Variants in PTPRC observed in about 807,000 individuals in gnomAD.
The protein encoded by PTPRC is receptor-type tyrosine-protein phosphatase C.
In PTPRC, 44 loss-of-function variants were observed where a neutral mutation model predicts 155.9. The ratio of observed to expected loss-of-function variants is 0.28; its 90% CI spans 0.22 to 0.36. The LOEUF (loss-of-function observed/expected upper bound fraction) is 0.36. PTPRC is among the 10% of genes least tolerant of loss of function. The pLI is 1.00. For synonymous variants in PTPRC, 525 were observed against 533.1 expected (o/e 0.98, Z 0.21); for missense variants, 1,401 against 1,564.6 (o/e 0.90, Z 1.76).
rs1653100185 is a variant in PTPRC at position 198,708,211 on chromosome 1, T to C, written c.983T>C (p.Ile328Thr). ...ACTATTTGTTTAAAATGGAAAAATATTGAAACCTTTACTTGTGATACACAG... is the reference window on the plus strand; with the variant it reads ...ACTATTTGTTTAAAATGGAAAAATACTGAAACCTTTACTTGTGATACACAG... ...DTTICLKWKNIETFTCDTQNI... is the reference protein window; with the variant it reads ...DTTICLKWKNTETFTCDTQNI... Residue 328 changes from isoleucine to threonine, a missense_variant, in exon 10 of 33, where the codon ATT (isoleucine) becomes ACT (threonine). By Grantham distance (89) the Ile-to-Thr change is moderately conservative (BLOSUM62 -1). Transcript: ENST00000442510. 1 of 1,606,202 alleles carries C rather than the reference T, an allele frequency of 6.2e-7. No individual in the cohort carries two copies. Among genetic ancestry groups the C allele is most frequent in the African/African-American group, 1.3e-5 (1 of 74,872 alleles).
chr1:198,695,900 G>T (rs1339578905), intron 3 of PTPRC, among the ~76,000 whole-genome samples: 1 of 151,980 alleles, frequency 6.6e-6, no homozygotes, highest in Admixed American at 6.6e-5. Flanking sequence ...GGTGGCTCAC[G>T]CCTGTAATCC....
chr1:198,657,757 C>T (rs868051553), intron 2 of PTPRC: 6 of 152,148 alleles, frequency 3.9e-5, no homozygotes, highest in African/African-American at 1.2e-4. Context: ...TCTTCTATGA[C>T]GTTTTACAGC....
rs984089455 is a variant in PTPRC, at chr1:198,752,319, C to A, written c.3278C>A (p.Thr1093Lys). The A allele has an allele frequency of 1.2e-5, 20 of 1,612,394 alleles. No individual in the cohort carries two copies. The highest frequency in any genetic ancestry group is 1.7e-5 in the Non-Finnish European group (20 of 1,178,940). ...YGDIEVDLKD[T>K]DKSSTYTLRV... ...GATATTGAAGTTGACCTGAAAGACA[C>A]AGACAAATCTTCAACTTATACCCTT... is the stretch of plus-strand genomic sequence containing the variant. The change falls in exon 30 of 33, where the codon ACA becomes AAA. Residue 1093 changes from threonine (T) to lysine (K), a missense_variant. By Grantham distance (78) the Thr-to-Lys change is moderately conservative. Transcript: ENST00000442510.
At chr1:198,713,985 T>C (rs1653439870) in intron 12 of PTPRC, among the ~76,000 whole-genome samples, 1 of 152,178 alleles carries the variant, frequency 6.6e-6, no homozygotes, top group Admixed American at 6.5e-5. Flanking sequence ...CAAAGTTAAA[T>C]ATGCATGTAG....
At chr1:198,694,798 C>T (rs1011256102) in intron 3 of PTPRC, 1 of 944,680 alleles carries the variant, frequency 1.1e-6, no homozygotes, top group Non-Finnish European at 1.3e-6. Context: ...CTCCCACCCT[C>T]TCTCCCTCCC....
intron 20 of PTPRC, among the ~76,000 whole-genome samples, chr1:198,733,148 A>T (rs1412079828): frequency 1.3e-5 from 2 of 151,808 alleles, no homozygotes; most frequent in African/African-American, 2.4e-5. Context: ...ATGTTAATTA[A>T]TGTATTACAT....
intron 2 of PTPRC, among the ~76,000 whole-genome samples, chr1:198,668,229 A>G (rs191734104): frequency 9.2e-5 from 14 of 152,128 alleles, no homozygotes; most frequent in African/African-American, 3.1e-4. Flanking sequence ...TTTTTGTTTT[A>G]GAGACAGGGT....
In PTPRC at chr1:198,703,433, C is replaced by T. The variant is rs773816269; in HGVS notation, c.658+61C>T. On this transcript the variant is annotated intron_variant, in intron 7 of 32. Coordinates refer to ENST00000442510, the MANE Select transcript of PTPRC (RefSeq NM_002838.5). The stretch of plus-strand genomic sequence containing the variant: ...CCATGTGCCTGGTGATGTGCTCTCA[C>T]AAGGGCCTTCCACCCACTCTACCTC... 1.9e-6 allele frequency: 3 copies of T among 1,605,990 alleles called. No individual in the cohort carries two copies. The Admixed American group carries it at 5.0e-5, about 27-fold the overall frequency.
In PTPRC at chr1:198,747,556, C is replaced by T. The variant is rs536620563; in HGVS notation, c.2848-553C>T. ...TAGGAAATTGTTGATGTTTTACAAG[C>T]GAGAAATGAAGGCAGACTGGATTAA... On this transcript the variant is annotated intron_variant, in intron 26 of 32. Coordinates refer to ENST00000442510, the MANE Select transcript of PTPRC (RefSeq NM_002838.5). Among the ~76,000 whole-genome samples, 5 of 151,572 alleles carry T rather than the reference C, an allele frequency of 3.3e-5. No individual in the cohort carries two copies. The South Asian group carries it at 6.3e-4, about 19-fold the overall frequency.
intron 2 of PTPRC, among the ~76,000 whole-genome samples, chr1:198,642,820 T>A (rs1384843156): frequency 1.3e-5 from 2 of 151,912 alleles, no homozygotes; most frequent in Non-Finnish European, 2.9e-5. Context: ...AATTCTAATC[T>A]TTTTTGCCAG....
intron 2 of PTPRC, among the ~76,000 whole-genome samples, chr1:198,687,099 C>A (rs1246040615): frequency 1.3e-5 from 2 of 152,176 alleles, no homozygotes; most frequent in Non-Finnish European, 2.9e-5. Flanking sequence ...TCAACACACA[C>A]TCATGGGCGT....
intron 2 of PTPRC, chr1:198,679,190 G>A: frequency 4.8e-6 from 1 of 207,078 alleles, no homozygotes; most frequent in Non-Finnish European, 1.0e-5. Context: ...CACTCAGCCT[G>A]GTAACGCTTT....
intron 2 of PTPRC, among the ~76,000 whole-genome samples, chr1:198,689,176 GTA>G (rs1215316347): frequency 6.6e-6 from 1 of 151,972 alleles, no homozygotes; most frequent in Non-Finnish European, 1.5e-5. Flanking sequence ...TATACATCAT[GTA>G]TTTCTTTTAA....
At chr1:198,710,573 T>A (rs572565587) in intron 11 of PTPRC, among the ~76,000 whole-genome samples, 1 of 152,230 alleles carries the variant, frequency 6.6e-6, no homozygotes, top group African/African-American at 2.4e-5. Flanking sequence ...ACACAAGATA[T>A]CTTTCCATTA....
chr1:198,696,771 A>G lies in PTPRC; in HGVS notation c.160A>G (p.Thr54Ala), dbSNP rs775839710. Residue 54 changes from threonine to alanine, a missense_variant, in exon 4 of 33, where the codon ACC (threonine) becomes GCC (alanine). Transcript: ENST00000442510. ...PLSSDPLPTH[T>A]TAFSPASTFE... ...TTCAAGTGACCCCTTACCTACTCACACCACTGCATTCTCACCCGCAAGCAC... is the reference window on the plus strand; with the variant it reads ...TTCAAGTGACCCCTTACCTACTCACGCCACTGCATTCTCACCCGCAAGCAC... The G allele has an allele frequency of 1.2e-6, 2 of 1,614,124 alleles. No homozygotes were observed. Among genetic ancestry groups the G allele is most frequent in the Non-Finnish European group, 1.7e-6 (2 of 1,179,998 alleles).
At chr1:198,671,710 A>G (rs1416316389) in intron 2 of PTPRC, among the ~76,000 whole-genome samples, 1 of 152,188 alleles carries the variant, frequency 6.6e-6, no homozygotes, top group Admixed American at 6.5e-5. Context: ...TCTTTTGTTA[A>G]CTTGCCTTGC....
intron 2 of PTPRC, among the ~76,000 whole-genome samples, chr1:198,658,868 A>C (rs1441540197): frequency 1.3e-5 from 2 of 152,202 alleles, no homozygotes; most frequent in African/African-American, 4.8e-5. Context: ...CTTTTAGAGT[A>C]AGAATCTTTA....
At chr1:198,735,888 T>C (rs1033355909) in intron 23 of PTPRC, among the ~76,000 whole-genome samples, 13 of 151,598 alleles carry the variant, frequency 8.6e-5, no homozygotes, top group African/African-American at 3.1e-4. Flanking sequence ...AGAACAGGCT[T>C]TCATTTTGTG....
rs563335149 is a variant in PTPRC at position 198,757,239 on chromosome 1, G to C, written c.*1058G>C. 3 of 151,700 alleles carry C rather than the reference G, an allele frequency of 2.0e-5. No homozygotes were observed. In the East Asian group the frequency reaches 5.8e-4, roughly 29 times the overall value. The allele number at this position is 151,700 out of a possible 1,614,324, so 9.4% of individuals were successfully genotyped here. A position where few individuals can be genotyped will look rare whatever the true frequency, so the allele number is the denominator to read the frequency against. ...AATGTTTTTACCAGGAATGGATGTC[G>C]CTAATCATAATAAAATTCAACCATT... On this transcript the variant is annotated 3_prime_UTR_variant, in exon 33 of 33. Coordinates refer to ENST00000442510, the MANE Select transcript of PTPRC (RefSeq NM_002838.5).
Sources: allele counts gnomAD v4.1 joint callset (sites outside exome capture counted in the v4.1 genomes callset), GRCh38; gene constraint gnomAD v4.1.1; transcripts MANE v1.5; gene names NCBI Gene and HGNC (gene_info 2026-07-23, HGNC 2026-07-21).